The following TMEM132B variants were observed in gnomAD, a reference collection of about 807,000 sequenced individuals.
TMEM132B encodes transmembrane protein 132B.
A neutral mutation model predicts 90.8 loss-of-function variants in TMEM132B; 18 were observed. The observed-to-expected ratio is 0.20, with a 90% CI of 0.14 to 0.29. The LOEUF (loss-of-function observed/expected upper bound fraction) is 0.29, where lower values mean the gene tolerates loss of function less well. TMEM132B is among the 10% of genes least tolerant of loss of function. TMEM132B has a pLI of 1.00. For missense variants in TMEM132B, 1,096 were observed against 1,326.8 expected, an observed-to-expected ratio of 0.83 and a Z score of 2.70; for synonymous variants, 504 against 523.3, an observed-to-expected ratio of 0.96 and a Z score of 0.50.
chr12:125,508,951 T>G (rs1882911794), intron 3 of TMEM132B, among the ~76,000 whole-genome samples: 1 of 151,840 alleles, frequency 6.6e-6, no homozygotes, highest in Admixed American at 6.6e-5. Context: ...GCCTGGCTAA[T>G]TTTTGTAGTT....
Position 125,519,748 on chromosome 12 carries a change from A to G in TMEM132B, c.1293+123A>G, listed in dbSNP as rs140520830. On this transcript the variant is annotated intron_variant, in intron 4 of 8. Transcript: ENST00000682704. ...TGTTTAAACAAGGAAAATATACTTA[A>G]ATTGCATTTGATCTACCTGCTTTTC... is the stretch of plus-strand genomic sequence containing the variant. The G allele has an allele frequency of 1.5e-3, 1,466 of 996,188 alleles. 18 individuals carry two copies. The African/African-American group carries it at 0.02, about 13-fold the overall frequency. The allele number at this position is 996,188 out of a possible 1,614,324, so 61.7% of individuals were successfully genotyped here. A position where few individuals can be genotyped will look rare whatever the true frequency, so the allele number is the denominator to read the frequency against.
intron 6 of TMEM132B, among the ~76,000 whole-genome samples, chr12:125,647,843 T>G (rs886773592): frequency 6.6e-6 from 1 of 152,170 alleles, no homozygotes; most frequent in African/African-American, 2.4e-5. Context: ...ATTATGACAT[T>G]ATGTGATGTG....
intron 2 of TMEM132B, among the ~76,000 whole-genome samples, chr12:125,386,804 T>A (rs1327885555): frequency 6.6e-6 from 1 of 152,208 alleles, no homozygotes; most frequent in African/African-American, 2.4e-5. Context: ...ATAAGAACAG[T>A]TCACCAAATG....
intron 2 of TMEM132B, among the ~76,000 whole-genome samples, chr12:125,357,160 G>A (rs1362150381): frequency 2.0e-5 from 3 of 152,190 alleles, no homozygotes; most frequent in Non-Finnish European, 2.9e-5. Context: ...TAAATGAATC[G>A]TCAAGATTGT....
intron 4 of TMEM132B, among the ~76,000 whole-genome samples, chr12:125,557,442 G>A (rs929678675): frequency 5.9e-5 from 9 of 152,064 alleles, no homozygotes; most frequent in African/African-American, 1.4e-4. Context: ...AATGAATGTT[G>A]GATGTATAGC....
intron 1 of TMEM132B, among the ~76,000 whole-genome samples, chr12:125,286,764 G>A (rs937919894): frequency 2.0e-5 from 3 of 151,860 alleles, no homozygotes; most frequent in Non-Finnish European, 4.4e-5. Context: ...AGTGCAGTGG[G>A]ACAATCTTGG....
rs533940548 is a variant in TMEM132B, at chr12:125,523,576, A to G, written c.1293+3951A>G. On this transcript the variant is annotated intron_variant, in intron 4 of 8. Transcript: ENST00000682704. ...CATATTCACAGGTTCTGGGATTAGGACGTGGACATCTCTGGAGGGGGCTGT... is the reference window on the plus strand; with the variant it reads ...CATATTCACAGGTTCTGGGATTAGGGCGTGGACATCTCTGGAGGGGGCTGT... Among the ~76,000 whole-genome samples, 15 of 152,242 alleles carry G rather than the reference A, an allele frequency of 9.9e-5. No homozygotes were observed. The South Asian group carries it at 3.1e-3, about 32-fold the overall frequency.
At chr12:125,517,326 GATTTTTTTTTTTTTTTTTTTTTTTT>G (rs1883187749) in intron 3 of TMEM132B, among the ~76,000 whole-genome samples, 2 of 88,032 alleles carry the variant, frequency 2.3e-5, no homozygotes, top group Non-Finnish European at 4.8e-5. Flanking sequence ...ATGCCCTGCT[GATTTTTTTTTTTTTTTTTTTTTTTT>G]TTTTTTTTTT....
At position 125,350,158 on chromosome 12, in the gene TMEM132B, T is replaced by C. The variant is rs1340041401; in HGVS notation, c.774T>C (p.Phe258=). The C allele has an allele frequency of 1.2e-6, 2 of 1,614,200 alleles. No individual in the cohort carries two copies. Among genetic ancestry groups the C allele is most frequent in the Admixed American group, 3.3e-5 (2 of 60,020 alleles). The change falls in exon 2 of 9, where the codon TTT becomes TTC. Residue 258 remains phenylalanine (F), a synonymous_variant. Transcript: ENST00000682704. The stretch of plus-strand genomic sequence containing the variant: ...GCCTGGAGAGCCCCCAGCAAGCGTT[T>C]CCAGCCCGAGAGAGGATTGGGAGTG... ...HSGLESPQQA[F]PARERIGSVV... is the part of the protein sequence containing the mutation.
chr12:125,600,938 C>T (rs1885555298), intron 5 of TMEM132B, among the ~76,000 whole-genome samples: 1 of 152,126 alleles, frequency 6.6e-6, no homozygotes, highest in African/African-American at 2.4e-5. Flanking sequence ...TATATATGCA[C>T]CCAATACAGG....
At chr12:125,434,239 G>A (rs2136411730) in intron 3 of TMEM132B, among the ~76,000 whole-genome samples, 1 of 152,222 alleles carries the variant, frequency 6.6e-6, no homozygotes. Flanking sequence ...TGACGCTCCT[G>A]TCCCCCTCTA....
intron 1 of TMEM132B, among the ~76,000 whole-genome samples, chr12:125,344,835 TG>T (rs1719107837): frequency 1.0e-5 from 1 of 100,340 alleles, no homozygotes; most frequent in South Asian, 4.7e-4. Context: ...AGGAGAACTA[TG>T]TGAAAACAGC....
intron 1 of TMEM132B, among the ~76,000 whole-genome samples, chr12:125,191,687 A>G (rs999932734): frequency 6.6e-6 from 1 of 152,228 alleles, no homozygotes; most frequent in Non-Finnish European, 1.5e-5. Flanking sequence ...AGCCGTAGAA[A>G]TCAAACACAT....
At chr12:125,616,547 CATATCAATGTAGAGT>C (rs1378184469) in intron 5 of TMEM132B, among the ~76,000 whole-genome samples, 1 of 152,104 alleles carries the variant, frequency 6.6e-6, no homozygotes, top group Non-Finnish European at 1.5e-5. Flanking sequence ...AAAGCTTAGC[CATATCAATGTAGAGT>C]ATCTACAGAT....
In TMEM132B at chr12:125,349,993, G is replaced by A. The variant is rs1877504478; in HGVS notation, c.609G>A (p.Leu203=). The change falls in exon 2 of 9, where the codon CTG becomes CTA. Residue 203 remains leucine (L), a synonymous_variant. Transcript: ENST00000682704. This position sits in a 1 kb window ranked among gnomAD's most constrained non-coding sequence, Gnocchi z 4.1. ...ELLPEWFSSG[L]DLEPEEEIPA... ...TGCCCGAGTGGTTCAGCTCAGGCCT[G>A]GACCTGGAACCAGAGGAGGAGATCC... The A allele has an allele frequency of 6.2e-7, 1 of 1,614,184 alleles. No homozygotes were observed.
intron 1 of TMEM132B, among the ~76,000 whole-genome samples, chr12:125,266,872 C>T (rs554327193): frequency 2.6e-5 from 4 of 152,280 alleles, no homozygotes; most frequent in African/African-American, 7.2e-5. Flanking sequence ...AATTTGAAAG[C>T]GAATGTGTCC....
At chr12:125,541,221 C>T (rs571530512) in intron 4 of TMEM132B, among the ~76,000 whole-genome samples, 12 of 152,290 alleles carry the variant, frequency 7.9e-5, no homozygotes, top group Non-Finnish European at 1.0e-4. Flanking sequence ...CTATATCTTT[C>T]GCACCTGGAA....
At chr12:125,199,666 A>G (rs1873009848) in intron 1 of TMEM132B, among the ~76,000 whole-genome samples, 1 of 152,148 alleles carries the variant, frequency 6.6e-6, no homozygotes. Flanking sequence ...CAGGACTGTT[A>G]AGTTGAATCT....
chr12:125,429,380 A>AT (rs1880430052), intron 3 of TMEM132B, among the ~76,000 whole-genome samples: 1 of 149,704 alleles, frequency 6.7e-6, no homozygotes, highest in East Asian at 2.0e-4. Flanking sequence ...TTTTTTTTGT[A>AT]TTTTTTGTAG....
Sources: allele counts gnomAD v4.1 joint callset (sites outside exome capture counted in the v4.1 genomes callset), GRCh38; gene constraint gnomAD v4.1.1; non-coding constraint Gnocchi (gnomAD v3.1); transcripts MANE v1.5; gene names NCBI Gene and HGNC (gene_info 2026-07-23, HGNC 2026-07-21).